Variants in DDX60 observed in about 807,000 individuals in gnomAD.
DDX60 encodes probable ATP-dependent RNA helicase DDX60.
DDX60 carries 165 observed loss-of-function variants against 212.8 expected under a neutral mutation model. The observed-to-expected ratio is 0.78, with a 90% CI of 0.68 to 0.88. The LOEUF (loss-of-function observed/expected upper bound fraction) is 0.88. Among genes scored for constraint, DDX60 ranks in the 40% least tolerant of loss-of-function variants. The pLI, the probability that DDX60 is intolerant of heterozygous loss-of-function variation, is 0.00. For missense variants in DDX60, 1,905 were observed against 2,003.9 expected, an observed-to-expected ratio of 0.95 and a Z score of 0.94; for synonymous variants, 703 against 685.3, an observed-to-expected ratio of 1.03 and a Z score of -0.40.
intron 13 of DDX60, among the ~76,000 whole-genome samples, chr4:168,281,851 T>C (rs1055996059): frequency 3.3e-5 from 5 of 152,230 alleles, no homozygotes; most frequent in Non-Finnish European, 7.3e-5. Flanking sequence ...CAGTGTTTAG[T>C]CTTCCTAATT....
chr4:168,308,619 A>G (rs1172206086), intron 3 of DDX60, among the ~76,000 whole-genome samples: 1 of 150,720 alleles, frequency 6.6e-6, no homozygotes, highest in East Asian at 1.9e-4. Context: ...GTGTTGAACA[A>G]TCATATATAC....
intron 5 of DDX60, among the ~76,000 whole-genome samples, chr4:168,306,018 A>G (rs991096018): frequency 2.6e-5 from 4 of 152,174 alleles, no homozygotes; most frequent in African/African-American, 7.2e-5. Context: ...CTTGAGTCCA[A>G]CTGTGTCTTT....
intron 14 of DDX60, among the ~76,000 whole-genome samples, chr4:168,279,757 G>GA (rs1735508055): frequency 6.6e-6 from 1 of 152,172 alleles, no homozygotes; most frequent in Non-Finnish European, 1.5e-5. Flanking sequence ...AACAAATGAG[G>GA]AAATGGAAGA....
chr4:168,246,651 T>A, intron 29 of DDX60, 33 bp from the exon 30 acceptor site: 1 of 1,607,160 alleles, frequency 6.2e-7, no homozygotes, highest in Non-Finnish European at 8.5e-7. Flanking sequence ...ATGTAAAACT[T>A]CCCTAAATGC....
At chr4:168,317,477 A>G (rs1050746232) in intron 1 of DDX60, among the ~76,000 whole-genome samples, 1 of 152,048 alleles carries the variant, frequency 6.6e-6, no homozygotes, top group Non-Finnish European at 1.5e-5. Flanking sequence ...GAGGAAAAAA[A>G]TGGGGGCAAG....
intron 6 of DDX60, among the ~76,000 whole-genome samples, chr4:168,301,311 A>G (rs912730117): frequency 6.6e-6 from 1 of 152,190 alleles, no homozygotes; most frequent in Admixed American, 6.5e-5. Flanking sequence ...GTTCACCAAC[A>G]AAGTTTTCAG....
At chr4:168,273,448 A>G (rs1173690723) in intron 17 of DDX60, 50 bp from the exon 18 acceptor site, 1 of 1,605,730 alleles carries the variant, frequency 6.2e-7, no homozygotes, top group Admixed American at 1.7e-5. Context: ...AGAGAGGTGA[A>G]ATATCAGAGG....
intron 14 of DDX60, 21 bp from the exon 15 acceptor site, chr4:168,276,202 A>C (rs575222319): frequency 9.6e-5 from 150 of 1,564,640 alleles, no homozygotes; most frequent in Non-Finnish European, 1.2e-4. Flanking sequence ...AATAAACAAT[A>C]AAATTGTTAT....
chr4:168,240,112 T>C (rs1200255391), intron 30 of DDX60, among the ~76,000 whole-genome samples: 2 of 152,118 alleles, frequency 1.3e-5, no homozygotes, highest in Non-Finnish European at 2.9e-5. Flanking sequence ...AGAAGCAACT[T>C]CAGCAAAATC....
At chr4:168,248,436 C>G (rs1734096992) in intron 28 of DDX60, 144 bp from the exon 29 acceptor site, 1 of 552,646 alleles carries the variant, frequency 1.8e-6, no homozygotes, top group East Asian at 3.2e-5. Flanking sequence ...CATTGGTACT[C>G]TTGCTATTTC....
At chr4:168,286,946 G>T in intron 10 of DDX60, 102 bp downstream of exon 10, 2 of 823,414 alleles carry the variant, frequency 2.4e-6, no homozygotes, top group Non-Finnish European at 1.8e-6. Context: ...AAATTCAAGT[G>T]CCAGAAAATT....
At chr4:168,275,966 T>G (rs1348750080) in intron 15 of DDX60, 49 bp downstream of exon 15, 1 of 1,492,780 alleles carries the variant, frequency 6.7e-7, no homozygotes, top group Non-Finnish European at 9.0e-7. Flanking sequence ...ACACTTTATG[T>G]ATACCTAATA....
chr4:168,242,215 C>T (rs1560821875), intron 30 of DDX60, among the ~76,000 whole-genome samples: 1 of 152,190 alleles, frequency 6.6e-6, no homozygotes. Context: ...CATGGAGAAC[C>T]TCTGCTAGGG....
chr4:168,300,157 C>CCCTATAT (rs1553972187), intron 6 of DDX60, among the ~76,000 whole-genome samples: 2 of 151,900 alleles, frequency 1.3e-5, no homozygotes, highest in African/African-American at 4.8e-5. Flanking sequence ...ATCATTAATA[C>CCCTATAT]AATACTAATA....
At chr4:168,242,823 T>C (rs1216384343) in intron 30 of DDX60, among the ~76,000 whole-genome samples, 1 of 151,958 alleles carries the variant, frequency 6.6e-6, no homozygotes. Context: ...GATATGAGAT[T>C]TGGGAGGGAC....
intron 30 of DDX60, among the ~76,000 whole-genome samples, chr4:168,239,429 T>C (rs1038954204): frequency 6.6e-6 from 1 of 151,848 alleles, no homozygotes; most frequent in Non-Finnish European, 1.5e-5. Flanking sequence ...GGTAGATGGA[T>C]AGAAATATAG....
At chr4:168,257,068 T>C (rs1298593387) in intron 25 of DDX60, among the ~76,000 whole-genome samples, 2 of 152,212 alleles carry the variant, frequency 1.3e-5, no homozygotes, top group African/African-American at 4.8e-5. Flanking sequence ...CTCATGCCTG[T>C]AATCTCAGCA....
chr4:168,306,356 A>G (rs778970915), intron 5 of DDX60, 23 bp downstream of exon 5: 1 of 1,548,144 alleles, frequency 6.5e-7, no homozygotes. Context: ...TCTAGAAGAA[A>G]TTGTCTTTTG....
intron 5 of DDX60, among the ~76,000 whole-genome samples, chr4:168,305,396 A>G (rs72981355): frequency 1.3e-5 from 2 of 152,324 alleles, no homozygotes; most frequent in Non-Finnish European, 2.9e-5. Context: ...ACAAATGTTA[A>G]TTGTCTCAAA....
Sources: allele counts gnomAD v4.1 joint callset (sites outside exome capture counted in the v4.1 genomes callset), GRCh38; gene constraint gnomAD v4.1.1; transcripts MANE v1.5; gene names NCBI Gene and HGNC (gene_info 2026-07-23, HGNC 2026-07-21).